The following LGR6 variants were observed in gnomAD, a reference collection of about 807,000 sequenced individuals.
LGR6 encodes leucine rich repeat containing G protein-coupled receptor 6, also known as leucine-rich repeat-containing G protein-coupled receptor 6.
A neutral mutation model predicts 69.4 loss-of-function variants in LGR6; 45 were observed. The observed-to-expected ratio is 0.65, with a 90% CI of 0.51 to 0.83. The LOEUF is 0.83. LGR6 is among the 40% of genes least tolerant of loss of function. The probability of loss-of-function intolerance (pLI) is 0.00; values close to 1 mark genes in which losing one functional copy is unlikely to be tolerated. For missense variants in LGR6, 1,108 were observed against 1,246.7 expected (o/e 0.89, Z 1.68); for synonymous variants, 538 against 555.0 (o/e 0.97, Z 0.43).
chr1:202,280,731 G>A (rs747027738), intron 5 of LGR6, 50 bp from the exon 6 acceptor site: 1 of 1,539,212 alleles, frequency 6.5e-7, no homozygotes, highest in African/African-American at 1.4e-5. Flanking sequence ...CCATCCCCTG[G>A]CCCCAGTGCC....
intron 6 of LGR6, among the ~76,000 whole-genome samples, chr1:202,288,952 A>G (rs1197249369): frequency 6.6e-6 from 1 of 152,050 alleles, no homozygotes; most frequent in Non-Finnish European, 1.5e-5. Flanking sequence ...TGTTGCCTAC[A>G]GAGGTCTGAT....
chr1:202,258,309 G>C (rs2148091036), intron 4 of LGR6, among the ~76,000 whole-genome samples: 1 of 151,922 alleles, frequency 6.6e-6, no homozygotes, highest in South Asian at 2.1e-4. Flanking sequence ...ATGAACTTTA[G>C]TTTTATTTTA....
At chr1:202,309,273 G>A in intron 15 of LGR6, 97 bp downstream of exon 15, 2 of 1,454,554 alleles carry the variant, frequency 1.4e-6, no homozygotes, top group Non-Finnish European at 1.9e-6. Context: ...GAAGAGCCTA[G>A]AGGCTTAGGG....
At position 202,304,637 on chromosome 1, in the gene LGR6, G is replaced by A. The variant is rs768071935; in HGVS notation, c.1070+7G>A. 3 of 1,603,760 alleles carry A rather than the reference G, an allele frequency of 1.9e-6. No homozygotes were observed. The highest frequency in any genetic ancestry group is 2.6e-6 in the Non-Finnish European group (3 of 1,171,988). Reference sequence around the variant, plus strand: ...TGCCCAGGCTCCGAGTCCTGTGAGTGCTCACAAGAATTCTACAGTCTTGGC... The same window carrying A: ...TGCCCAGGCTCCGAGTCCTGTGAGTACTCACAAGAATTCTACAGTCTTGGC... On this transcript the variant is annotated splice_region_variant and intron_variant, in intron 11 of 17. Transcript: ENST00000367278.
intron 4 of LGR6, among the ~76,000 whole-genome samples, chr1:202,241,785 G>T (rs1313454357): frequency 1.3e-5 from 2 of 151,996 alleles, no homozygotes; most frequent in Admixed American, 1.3e-4. Flanking sequence ...AAAGCACAGT[G>T]GCAAGACTAA....
At chr1:202,259,761 T>G (rs559472166) in intron 4 of LGR6, among the ~76,000 whole-genome samples, 28 of 152,164 alleles carry the variant, frequency 1.8e-4, no homozygotes, top group African/African-American at 6.3e-4. Context: ...CACCCTGGCT[T>G]CCCTGAACTC....
chr1:202,257,075 A>G (rs1663834017), intron 4 of LGR6, among the ~76,000 whole-genome samples: 1 of 152,174 alleles, frequency 6.6e-6, no homozygotes, highest in South Asian at 2.1e-4. Context: ...TTCATTGTTG[A>G]GTTGTCACAA....
At chr1:202,204,136 G>T (rs1658935367) in intron 1 of LGR6, among the ~76,000 whole-genome samples, 1 of 151,856 alleles carries the variant, frequency 6.6e-6, no homozygotes, top group East Asian at 1.9e-4. Context: ...TCCTCCTTCA[G>T]TCTGGGAGCT....
intron 4 of LGR6, among the ~76,000 whole-genome samples, chr1:202,274,420 G>A (rs950151806): frequency 1.3e-5 from 2 of 152,112 alleles, no homozygotes; most frequent in Non-Finnish European, 2.9e-5. Context: ...ATCTAAGAAC[G>A]AGGGCTCCCA....
chr1:202,276,303 C>T lies in LGR6; in HGVS notation c.429-3C>T. 6.2e-7 allele frequency: 1 copy of T among 1,612,538 alleles called. No individual in the cohort carries two copies. Among genetic ancestry groups the T allele is most frequent in the Non-Finnish European group, 8.5e-7 (1 of 1,178,894 alleles). On this transcript the variant is annotated splice_polypyrimidine_tract_variant and splice_region_variant and intron_variant, in intron 4 of 17. Transcript: ENST00000367278. ...GACCCCTCTCCATCCTCTCTTCCAC[C>T]AGGCGCCTAGATGCCAACCTCATCT...
At chr1:202,251,548 G>A (rs907398792) in intron 4 of LGR6, among the ~76,000 whole-genome samples, 4 of 152,138 alleles carry the variant, frequency 2.6e-5, no homozygotes, top group Non-Finnish European at 4.4e-5. Flanking sequence ...CCTCCCACCC[G>A]GGAAGCCAGG....
At position 202,227,610 on chromosome 1, in the gene LGR6, T is replaced by G. The variant is rs1168601516; in HGVS notation, c.285-326T>G. Among the ~76,000 whole-genome samples, 4 of 152,144 alleles carry G rather than the reference T, an allele frequency of 2.6e-5. No individual in the cohort carries two copies. The East Asian group carries it at 7.7e-4, about 29-fold the overall frequency. On this transcript the variant is annotated intron_variant, in intron 2 of 17. Transcript: ENST00000367278. The stretch of plus-strand genomic sequence containing the variant: ...AGCACAGGAGAGGATGTGGGGAAAC[T>G]GTGGCCGTGAGCCTTCAAATTAGTC...
intron 4 of LGR6, among the ~76,000 whole-genome samples, chr1:202,245,939 C>T (rs895890795): frequency 1.3e-5 from 2 of 151,736 alleles, no homozygotes; most frequent in African/African-American, 4.8e-5. Context: ...TCCATGCATC[C>T]ATCCATCCAT....
At position 202,254,590 on chromosome 1, in the gene LGR6, GC is replaced by G. The variant is rs540569232; in HGVS notation, c.428+18599del. 8.3e-4 allele frequency among the ~76,000 whole-genome samples: 127 copies of G among 152,310 alleles called. No individual in the cohort carries two copies. The Middle Eastern group carries it at 0.01, about 12-fold the overall frequency. ...CCCCATGCCAGGTGCTGATGTGCCT[GC>G]CTTCAGTGAGTTTGTTACCAAATAA... On this transcript the variant is annotated intron_variant, in intron 4 of 17. Coordinates refer to ENST00000367278, the MANE Select transcript of LGR6 (RefSeq NM_001017403.2).
At chr1:202,298,872 A>G (rs1280224228) in intron 7 of LGR6, among the ~76,000 whole-genome samples, 1 of 151,950 alleles carries the variant, frequency 6.6e-6, no homozygotes, top group African/African-American at 2.4e-5. Flanking sequence ...GACCTATAGT[A>G]CTAGCCCCAT....
intron 1 of LGR6, among the ~76,000 whole-genome samples, chr1:202,212,701 C>G (rs1659508950): frequency 6.6e-6 from 1 of 152,218 alleles, no homozygotes; most frequent in Admixed American, 6.5e-5. Context: ...GGAGGATCTC[C>G]TCATCTCAAG....
chr1:202,253,892 G>A (rs1372527220), intron 4 of LGR6, among the ~76,000 whole-genome samples: 1 of 125,210 alleles, frequency 8.0e-6, no homozygotes, highest in Non-Finnish European at 1.6e-5. Context: ...TGCAAGCTCC[G>A]CCTCCCGGGT....
At chr1:202,281,722 G>A (rs1214245202) in intron 6 of LGR6, among the ~76,000 whole-genome samples, 1 of 152,058 alleles carries the variant, frequency 6.6e-6, no homozygotes, top group Non-Finnish European at 1.5e-5. Flanking sequence ...TGGTGTCAGG[G>A]GGATGCTCAC....
At chr1:202,276,658 A>G (rs1209444659) in intron 5 of LGR6, 137 bp downstream of exon 5, 8 of 698,578 alleles carry the variant, frequency 1.1e-5, no homozygotes, top group Non-Finnish European at 1.7e-5. Context: ...CTCCCTTTGG[A>G]AAAGCATGAG....
Sources: allele counts gnomAD v4.1 joint callset (sites outside exome capture counted in the v4.1 genomes callset), GRCh38; gene constraint gnomAD v4.1.1; transcripts MANE v1.5; gene names NCBI Gene and HGNC (gene_info 2026-07-23, HGNC 2026-07-21).